NUP210L: variants seen among roughly 807,000 people sequenced by gnomAD.
NUP210L encodes nucleoporin 210 like, also known as nuclear pore membrane glycoprotein 210-like.
Under a neutral mutation model 208.5 loss-of-function variants are expected in NUP210L, and 74 were observed. The observed-to-expected ratio is 0.35, with a 90% CI of 0.29 to 0.43. NUP210L has a LOEUF of 0.43. Ranked by LOEUF, NUP210L falls within the 20% of genes least tolerant of loss-of-function variation. The pLI, the probability that NUP210L is intolerant of heterozygous loss-of-function variation, is 1.00. For missense variants in NUP210L, 1,843 were observed against 2,289.4 expected (o/e 0.81, Z 3.98); for synonymous variants, 780 against 816.9 (o/e 0.95, Z 0.77).
chr1:154,001,189 CA>C, intron 36 of NUP210L, 129 bp from the exon 37 acceptor site: 1 of 778,474 alleles, frequency 1.3e-6, no homozygotes, highest in South Asian at 1.9e-5. Context: ...AGCCGACAAT[CA>C]AATCATTTAC....
chr1:154,123,323 T>A (rs1337175614), intron 10 of NUP210L, among the ~76,000 whole-genome samples: 1 of 151,932 alleles, frequency 6.6e-6, no homozygotes, highest in Non-Finnish European at 1.5e-5. Context: ...TTTTTGCATT[T>A]TTAGTAGAGA....
At chr1:154,004,069 T>G (rs941084045) in intron 35 of NUP210L, among the ~76,000 whole-genome samples, 2 of 142,944 alleles carry the variant, frequency 1.4e-5, no homozygotes, top group African/African-American at 5.4e-5. Flanking sequence ...TCCTTGCCTG[T>G]TTTTTGTTTT....
At chr1:154,068,792 A>C (rs1456178618) in intron 17 of NUP210L, among the ~76,000 whole-genome samples, 1 of 148,024 alleles carries the variant, frequency 6.8e-6, no homozygotes, top group Non-Finnish European at 1.5e-5. Flanking sequence ...ACATGGACAC[A>C]GGAAGGGGAA....
intron 30 of NUP210L, among the ~76,000 whole-genome samples, chr1:154,024,598 A>C (rs1651751237): frequency 6.6e-6 from 1 of 152,104 alleles, no homozygotes; most frequent in South Asian, 2.1e-4. Flanking sequence ...ATTGCAGCAC[A>C]AAGCAGCCTC....
chr1:154,136,941 G>C (rs1326285524), intron 6 of NUP210L, among the ~76,000 whole-genome samples: 2 of 75,192 alleles, frequency 2.7e-5, no homozygotes, highest in South Asian at 4.4e-4. Context: ...AAAAAAAAAA[G>C]CTCAATGTAA....
In NUP210L at chr1:154,061,135, T is replaced by C. The variant is rs1025979598; in HGVS notation, c.2644-89A>G. 6.9e-6 allele frequency: 6 copies of C among 874,658 alleles called. No homozygotes were observed. In the Admixed American group the frequency reaches 8.2e-5, roughly 12 times the overall value. The allele number at this position is 874,658 out of a possible 1,614,324, so 54.2% of individuals were successfully genotyped here. On this transcript the variant is annotated intron_variant, in intron 18 of 39. Coordinates refer to ENST00000368559, the Ensembl canonical transcript of NUP210L. The stretch of plus-strand genomic sequence containing the variant: ...GCTTACGCTTGTAATCCCAGCACTT[T>C]GGGAGGGTAAGGCAGGCAGATCACC...
chr1:154,008,966 G>A (rs150490996), intron 35 of NUP210L, among the ~76,000 whole-genome samples: 2,643 of 151,488 alleles, frequency 0.017, 81 homozygotes, highest in African/African-American at 0.062. Flanking sequence ...CTGGAGTGCA[G>A]TGGTGTGATT....
chr1:154,046,138 A>G (rs746801085), exon 27 of NUP210L: 3 of 1,614,162 alleles, frequency 1.9e-6, no homozygotes, highest in Non-Finnish European at 1.7e-6. Context: ...TGAGCCCAGG[A>G]TTAGCATTGC....
intron 34 of NUP210L, 77 bp from the exon 35 acceptor site, chr1:154,010,198 A>G: frequency 7.4e-7 from 1 of 1,346,088 alleles, no homozygotes; most frequent in Non-Finnish European, 1.0e-6. Flanking sequence ...TATGGAGGCA[A>G]TTTTGAAGCA....
chr1:154,076,339 T>C (rs530534781), intron 16 of NUP210L, among the ~76,000 whole-genome samples: 1 of 149,994 alleles, frequency 6.7e-6, no homozygotes, highest in East Asian at 2.0e-4. Flanking sequence ...CCTGACCTCA[T>C]GATCCACCCA....
chr1:154,073,814 C>CAATAAATAAATAAATA (rs3073948), intron 16 of NUP210L, among the ~76,000 whole-genome samples: 3 of 131,020 alleles, frequency 2.3e-5, no homozygotes, highest in Non-Finnish European at 3.2e-5. Context: ...GACTCTGTCT[C>CAATAAATAAATAAATA]AATAAATAAA....
At chr1:154,089,284 C>A in intron 16 of NUP210L, 137 bp downstream of exon 16, 1 of 746,212 alleles carries the variant, frequency 1.3e-6, no homozygotes, top group East Asian at 2.5e-5. Flanking sequence ...GGCAGTTCCT[C>A]AAAAAATTAA....
At chr1:154,040,910 C>T (rs1296950697) in intron 27 of NUP210L, among the ~76,000 whole-genome samples, 1 of 151,462 alleles carries the variant, frequency 6.6e-6, no homozygotes, top group African/African-American at 2.4e-5. Context: ...CTTATGTTAC[C>T]TCAAAGTCAA....
At chr1:154,142,633 G>A (rs1479010602) in intron 3 of NUP210L, among the ~76,000 whole-genome samples, 1 of 152,168 alleles carries the variant, frequency 6.6e-6, no homozygotes, top group African/African-American at 2.4e-5. Context: ...GCTCATGCCT[G>A]TAATCCCAAC....
intron 12 of NUP210L, among the ~76,000 whole-genome samples, chr1:154,109,048 C>T (rs528497485): frequency 6.6e-5 from 10 of 151,666 alleles, no homozygotes; most frequent in Admixed American, 3.3e-4. Flanking sequence ...TACGGTGAGC[C>T]GAGATCATGC....
rs78389452 is a variant in NUP210L at position 154,144,543 on chromosome 1, T to C, written c.341-966A>G. Among the ~76,000 whole-genome samples, 1,142 of 152,304 alleles carry C rather than the reference T, an allele frequency of 7.5e-3. 12 individuals carry two copies. Among genetic ancestry groups the C allele is most frequent in the African/African-American group, 0.026 (1,100 of 41,574 alleles). On this transcript the variant is annotated intron_variant, in intron 2 of 39. Coordinates refer to ENST00000368559, the Ensembl canonical transcript of NUP210L. Reference sequence around the variant, plus strand: ...CCATAATGAAATTCAGAAACACTAATTGAAACAGTACAGAATAAAATGAGA... The same window carrying C: ...CCATAATGAAATTCAGAAACACTAACTGAAACAGTACAGAATAAAATGAGA...
intron 38 of NUP210L, 56 bp from the exon 39 acceptor site, chr1:153,993,145 A>T: frequency 1.7e-6 from 2 of 1,171,702 alleles, no homozygotes; most frequent in Non-Finnish European, 1.2e-6. Context: ...CTTAAAAGGC[A>T]AAGTCAACTC....
At chr1:154,128,605 C>A (rs1263392781) in intron 8 of NUP210L, among the ~76,000 whole-genome samples, 1 of 152,026 alleles carries the variant, frequency 6.6e-6, no homozygotes, top group Admixed American at 6.6e-5. Context: ...AATTCTGGCA[C>A]TTTGGGAGGC....
At chr1:153,996,738 T>A (rs1354416952) in intron 37 of NUP210L, among the ~76,000 whole-genome samples, 1 of 151,820 alleles carries the variant, frequency 6.6e-6, no homozygotes, top group Non-Finnish European at 1.5e-5. Flanking sequence ...TTTTTTAAGA[T>A]CATCAGTGAC....
Sources: allele counts gnomAD v4.1 joint callset (sites outside exome capture counted in the v4.1 genomes callset), GRCh38; gene constraint gnomAD v4.1.1; transcripts MANE v1.5; gene names NCBI Gene and HGNC (gene_info 2026-07-23, HGNC 2026-07-21).